The following LGSN variants were observed in gnomAD, a reference collection of about 807,000 sequenced individuals.
The protein encoded by LGSN is lengsin.
In LGSN, 21 loss-of-function variants were observed where a neutral mutation model predicts 19.5. That is an observed-to-expected ratio of 1.07 (90% CI 0.76 to 1.55). The LOEUF is 1.55. Among genes scored for constraint, LGSN ranks in the 40% most tolerant of loss-of-function variants. LGSN has a pLI of 0.00. For missense variants in LGSN, 673 were observed against 608.5 expected (o/e 1.11, Z -1.12); for synonymous variants, 257 against 215.6 (o/e 1.19, Z -1.68).
At chr6:63,520,582 G>T in the LGSN span, among the ~76,000 whole-genome samples, 1 of 151,694 alleles carries the variant, frequency 6.6e-6, no homozygotes, top group African/African-American at 2.4e-5. Flanking sequence ...AGTGAGCCAA[G>T]ATCATGCCAC....
intron 1 of LGSN, among the ~76,000 whole-genome samples, chr6:63,299,613 GGAAA>G (rs1768108257): frequency 6.6e-6 from 1 of 152,034 alleles, no homozygotes; most frequent in African/African-American, 2.4e-5. Context: ...CTGAATTGGG[GGAAA>G]GAAAAACTAT....
At chr6:63,525,033 G>A in the LGSN span, among the ~76,000 whole-genome samples, 1 of 152,286 alleles carries the variant, frequency 6.6e-6, no homozygotes, top group East Asian at 1.9e-4. Flanking sequence ...ACTTGATTCA[G>A]GGATTTAGCT....
chr6:63,524,753 T>C, the LGSN span, among the ~76,000 whole-genome samples: 1 of 152,206 alleles, frequency 6.6e-6, no homozygotes, highest in African/African-American at 2.4e-5. Flanking sequence ...GAAAAACCTA[T>C]CTTCTCACAT....
the LGSN span, among the ~76,000 whole-genome samples, chr6:63,376,085 C>T: frequency 4.9e-4 from 75 of 152,228 alleles, no homozygotes; most frequent in African/African-American, 1.5e-3. Context: ...GCTCTCTCCA[C>T]GATATATGAT....
At chr6:63,373,195 G>T in the LGSN span, among the ~76,000 whole-genome samples, 23 of 152,178 alleles carry the variant, frequency 1.5e-4, no homozygotes, top group Non-Finnish European at 2.4e-4. Context: ...CAGCCATTTT[G>T]TTCCTATGGT....
At chr6:63,448,761 T>C in the LGSN span, among the ~76,000 whole-genome samples, 453 of 152,214 alleles carry the variant, frequency 3.0e-3, 4 homozygotes, top group African/African-American at 0.01. Flanking sequence ...TTATCTTGAC[T>C]TCTACCCCAA....
upstream of LGSN, among the ~76,000 whole-genome samples, chr6:63,324,372 G>A (rs1769179926): frequency 6.6e-6 from 1 of 152,154 alleles, no homozygotes; most frequent in African/African-American, 2.4e-5. Flanking sequence ...GCAAAATGTG[G>A]TTTAGGGCAA....
At chr6:63,337,453 G>C in the LGSN span, among the ~76,000 whole-genome samples, 1 of 151,338 alleles carries the variant, frequency 6.6e-6, no homozygotes, top group African/African-American at 2.4e-5. Flanking sequence ...CTCCAGCCTG[G>C]GAGACAAAAG....
chr6:63,460,862 T>C, the LGSN span, among the ~76,000 whole-genome samples: 31 of 152,172 alleles, frequency 2.0e-4, no homozygotes, highest in African/African-American at 7.5e-4. Context: ...CTGTTGCCCT[T>C]GACACCCAAA....
At chr6:63,308,379 G>A (rs74554561) in intron 1 of LGSN, among the ~76,000 whole-genome samples, 135 of 152,162 alleles carry the variant, frequency 8.9e-4, no homozygotes, top group African/African-American at 3.1e-3. Context: ...CTTTTGAAAT[G>A]GTGTTTATAT....
chr6:63,564,926 C>T, the LGSN span, among the ~76,000 whole-genome samples: 1 of 152,164 alleles, frequency 6.6e-6, no homozygotes. Context: ...ATAATAAGTC[C>T]TTTATTCAGT....
At chr6:63,554,362 T>G in the LGSN span, among the ~76,000 whole-genome samples, 1 of 152,208 alleles carries the variant, frequency 6.6e-6, no homozygotes, top group Non-Finnish European at 1.5e-5. Context: ...CAGAAATTCT[T>G]ATACACTTTC....
chr6:63,283,944 T>C (rs909987681), intron 3 of LGSN, among the ~76,000 whole-genome samples: 2 of 152,036 alleles, frequency 1.3e-5, no homozygotes, highest in Non-Finnish European at 2.9e-5. Context: ...AGGTGATCCG[T>C]CGGCCTCAGC....
At chr6:63,424,752 A>G in the LGSN span, among the ~76,000 whole-genome samples, 3 of 151,986 alleles carry the variant, frequency 2.0e-5, no homozygotes, top group Admixed American at 2.0e-4. Flanking sequence ...TCTCTACAAA[A>G]AGTTTAAAAA....
chr6:63,468,587 C>A, the LGSN span, among the ~76,000 whole-genome samples: 3 of 151,514 alleles, frequency 2.0e-5, no homozygotes, highest in Non-Finnish European at 1.5e-5. Flanking sequence ...GCCACCACAC[C>A]TGCCTAATTT....
At chr6:63,392,603 G>A in the LGSN span, 1 of 152,246 alleles carries the variant, frequency 6.6e-6, no homozygotes, top group East Asian at 1.9e-4. Context: ...ATTGCCTCCG[G>A]AGGAGTAGCA....
chr6:63,523,303 C>T, the LGSN span, among the ~76,000 whole-genome samples: 2 of 151,976 alleles, frequency 1.3e-5, no homozygotes, highest in South Asian at 2.1e-4. Context: ...TAAATGAAGG[C>T]GGGCAGATCA....
At chr6:63,516,821 G>A in the LGSN span, among the ~76,000 whole-genome samples, 1 of 152,166 alleles carries the variant, frequency 6.6e-6, no homozygotes, top group South Asian at 2.1e-4. Context: ...CTAGAATATG[G>A]ACATGAAGGC....
chr6:63,330,886 C>T, the LGSN span, among the ~76,000 whole-genome samples: 1 of 152,228 alleles, frequency 6.6e-6, no homozygotes, highest in Non-Finnish European at 1.5e-5. Flanking sequence ...AGTAGCATGA[C>T]ATCCCTCCAA....
Sources: allele counts gnomAD v4.1 joint callset (sites outside exome capture counted in the v4.1 genomes callset), GRCh38; gene constraint gnomAD v4.1.1; transcripts MANE v1.5; gene names NCBI Gene and HGNC (gene_info 2026-07-23, HGNC 2026-07-21).